IKBKE: variants seen among roughly 807,000 people sequenced by gnomAD.
IKBKE encodes inhibitor of nuclear factor kappa B kinase subunit epsilon.
Under a neutral mutation model 92.1 loss-of-function variants are expected in IKBKE, and 45 were observed. The observed-to-expected ratio is 0.49, with a 90% CI of 0.38 to 0.63. The LOEUF (loss-of-function observed/expected upper bound fraction) is 0.63. IKBKE is among the 20% of genes least tolerant of loss of function. IKBKE has a pLI of 0.00. For synonymous variants in IKBKE, 374 were observed against 380.3 expected (o/e 0.98, Z 0.19); for missense variants, 700 against 932.8 (o/e 0.75, Z 3.25).
At chr1:206,494,023 C>T (rs781913931) in intron 21 of IKBKE, 32 bp downstream of exon 21, 1 of 1,596,822 alleles carries the variant, frequency 6.3e-7, no homozygotes. Context: ...TAGGTCAGGG[C>T]CGGGTCTTCA....
intron 3 of IKBKE, among the ~76,000 whole-genome samples, chr1:206,473,674 T>G (rs1403732251): frequency 6.6e-6 from 1 of 151,882 alleles, no homozygotes. Flanking sequence ...TATTCAAGAG[T>G]GGTAGCCGGC....
chr1:206,481,308 T>A (rs1553386992), intron 13 of IKBKE, among the ~76,000 whole-genome samples: 1 of 152,152 alleles, frequency 6.6e-6, no homozygotes, highest in African/African-American at 2.4e-5. Context: ...CCCATATGCC[T>A]GAAGGCCCCC....
intron 2 of IKBKE, among the ~76,000 whole-genome samples, chr1:206,472,059 G>A (rs1177693598): frequency 2.0e-5 from 3 of 152,142 alleles, no homozygotes; most frequent in Non-Finnish European, 4.4e-5. Context: ...AGACCAGCCT[G>A]GGCAACATGG....
At chr1:206,494,576 C>T (rs1012297777) in intron 21 of IKBKE, among the ~76,000 whole-genome samples, 4 of 148,484 alleles carry the variant, frequency 2.7e-5, no homozygotes, top group Admixed American at 6.7e-5. Context: ...ATTTTGCATA[C>T]CAGTAAAAGT....
At chr1:206,492,553 C>T (rs782192059) in intron 18 of IKBKE, 8 of 471,510 alleles carry the variant, frequency 1.7e-5, no homozygotes, top group South Asian at 4.6e-5. Flanking sequence ...TAATGTGTGG[C>T]GAGGGCTGAC....
In IKBKE at chr1:206,474,450, G is replaced by T; in HGVS notation, c.207G>T (p.Lys69Asn). ...AGCTGAACCACCAGAACATTGTCAAGCTCTTTGCGGTGGAGGAGACGGTAG... is the reference window on the plus strand; with the variant it reads ...AGCTGAACCACCAGAACATTGTCAATCTCTTTGCGGTGGAGGAGACGGTAG... ...LRKLNHQNIV[K>N]LFAVEETGGS... Residue 69 changes from lysine to asparagine, a missense_variant, in exon 4 of 22, where the codon AAG (lysine) becomes AAT (asparagine). Transcript: ENST00000581977. 1 of 1,613,960 alleles carries T rather than the reference G, an allele frequency of 6.2e-7. No homozygotes were observed. Among genetic ancestry groups the T allele is most frequent in the Non-Finnish European group, 8.5e-7 (1 of 1,179,906 alleles).
intron 10 of IKBKE, among the ~76,000 whole-genome samples, 154 bp downstream of exon 10, chr1:206,479,287 G>A (rs188778030): frequency 3.0e-4 from 45 of 152,318 alleles, no homozygotes; most frequent in African/African-American, 8.7e-4. Context: ...TTCTGCAGAC[G>A]CCTCTGAGAT....
intron 4 of IKBKE, 32 bp downstream of exon 4, chr1:206,474,503 T>A: frequency 6.3e-7 from 1 of 1,593,190 alleles, no homozygotes; most frequent in Non-Finnish European, 8.6e-7. Context: ...AGAATGGTCT[T>A]GTCCTTGACC....
In IKBKE at chr1:206,478,712, G is replaced by A. The variant is rs782136793; in HGVS notation, c.993-231G>A. On this transcript the variant is annotated intron_variant, in intron 9 of 21. Coordinates refer to ENST00000581977, the MANE Select transcript of IKBKE (RefSeq NM_014002.4). The surrounding 1 kb of genome is among the most constrained non-coding windows in gnomAD (Gnocchi z 4.8). ...AGGAAGAGGTGCAGAGGCAAAGGCT[G>A]GGTATTAGGACTCCTGGGACCTGTT... Among the ~76,000 whole-genome samples the A allele has an allele frequency of 6.6e-6, 1 of 152,114 alleles. No individual in the cohort carries two copies. Among genetic ancestry groups the A allele is most frequent in the Non-Finnish European group, 1.5e-5 (1 of 68,012 alleles).
At chr1:206,477,496 G>A (rs1336530666) in intron 7 of IKBKE, among the ~76,000 whole-genome samples, 1 of 65,998 alleles carries the variant, frequency 1.5e-5, no homozygotes, top group Non-Finnish European at 2.7e-5. Context: ...TGGCCAGGCT[G>A]AGGGAAGTGT....
At chr1:206,474,211 CTG>C in intron 3 of IKBKE, 118 bp from the exon 4 acceptor site, 2 of 940,372 alleles carry the variant, frequency 2.1e-6, no homozygotes, top group Non-Finnish European at 1.6e-6. Flanking sequence ...AGGCTAATCT[CTG>C]GGGTTGGGCT....
rs1666085442 is a variant in IKBKE at position 206,493,924 on chromosome 1, C to A, written c.2050C>A (p.Gln684Lys). The A allele has an allele frequency of 6.2e-7, 1 of 1,613,918 alleles. No individual in the cohort carries two copies. The highest frequency in any genetic ancestry group is 1.3e-5 in the African/African-American group (1 of 74,956). The change falls in exon 21 of 22, where the codon CAA becomes AAA. Residue 684 changes from glutamine to lysine, a missense_variant. By Grantham distance (53) the Gln-to-Lys change is moderately conservative (BLOSUM62 1). Coordinates refer to ENST00000581977, the MANE Select transcript of IKBKE (RefSeq NM_014002.4). ...PTRKDLLLHM[Q>K]ELCEGMKLLA... ...TCCTGCCTCTGCCTTGGGCAGCATG[C>A]AAGAGCTCTGCGAGGGGATGAAGCT...
chr1:206,493,292 C>A lies in IKBKE; in HGVS notation c.1959C>A (p.Leu653=), dbSNP rs142331757. The A allele has an allele frequency of 5.6e-6, 9 of 1,614,106 alleles. No individual in the cohort carries two copies. Among genetic ancestry groups the A allele is most frequent in the Middle Eastern group, 1.7e-4 (1 of 6,060 alleles). ...TCCTGGAAGAGCTATCTCACCAGCT[C>A]CTTCAGGACCGAGCAAAGGGGGCTC... ...SKLLEELSHQ[L]LQDRAKGAQA... Residue 653 remains leucine (L), a synonymous_variant, in exon 20 of 22, where the codon CTC becomes CTA. Transcript: ENST00000581977.
At chr1:206,472,481 C>T (rs977232921) in intron 2 of IKBKE, among the ~76,000 whole-genome samples, 5 of 152,034 alleles carry the variant, frequency 3.3e-5, no homozygotes, top group Non-Finnish European at 5.9e-5. Flanking sequence ...GTTTCAGATT[C>T]TCCCAATGGC....
rs2103456347 is a variant in IKBKE at position 206,476,846 on chromosome 1, G to A, written c.701+8G>A. ...GCGGAACAAGGAGATCATGTACGGT[G>A]GGCCACAGGGCAGGGAATGGGGCGG... On this transcript the variant is annotated splice_region_variant and intron_variant, in intron 7 of 21. Coordinates refer to ENST00000581977, the MANE Select transcript of IKBKE (RefSeq NM_014002.4). The surrounding 1 kb of genome is among the most constrained non-coding windows in gnomAD (Gnocchi z 5.1). 2 of 1,614,116 alleles carry A rather than the reference G, an allele frequency of 1.2e-6. No individual in the cohort carries two copies. Among genetic ancestry groups the A allele is most frequent in the South Asian group, 1.1e-5 (1 of 91,084 alleles).
chr1:206,482,071 G>A (rs1389370112), intron 13 of IKBKE, among the ~76,000 whole-genome samples: 3 of 152,058 alleles, frequency 2.0e-5, no homozygotes, highest in African/African-American at 4.8e-5. Context: ...GAGCCACCGC[G>A]CCCGGCCTAG....
At position 206,487,449 on chromosome 1, in the gene IKBKE, T is replaced by C. The variant is rs782649586; in HGVS notation, c.1617-465T>C. On this transcript the variant is annotated intron_variant, in intron 15 of 21. Coordinates refer to ENST00000581977, the MANE Select transcript of IKBKE (RefSeq NM_014002.4). This position sits in a 1 kb window ranked among gnomAD's most constrained non-coding sequence, Gnocchi z 5.3. ...TTAAGTTTCTGCTGTGTGCCACACATTGGGTAAACCAAGAAGCTATATTCT... is the reference window on the plus strand; with the variant it reads ...TTAAGTTTCTGCTGTGTGCCACACACTGGGTAAACCAAGAAGCTATATTCT... 4.6e-5 allele frequency among the ~76,000 whole-genome samples: 7 copies of C among 152,234 alleles called. No homozygotes were observed. The highest frequency in any genetic ancestry group is 1.0e-4 in the Non-Finnish European group (7 of 68,042).
rs41299023 is a variant in IKBKE at position 206,486,202 on chromosome 1, G to A, written c.1616+896G>A. ...TTGATTAGGAGTTGATGCCCTGCTC[G>A]GGCCATTCCACAATACACTGTGTGG... On this transcript the variant is annotated intron_variant, in intron 15 of 21. Transcript: ENST00000581977. 5.7e-3 allele frequency among the ~76,000 whole-genome samples: 868 copies of A among 152,358 alleles called. 6 individuals carry two copies. The highest frequency in any genetic ancestry group is 0.019 in the African/African-American group (776 of 41,582).
Position 206,487,718 on chromosome 1 carries a change from C to T in IKBKE, c.1617-196C>T, listed in dbSNP as rs555381531. ...AGAGAGGAAGAATAAGCCATGAGAACGAGAGACGGCTGGCTGACTGTACGG... is the reference window on the plus strand; with the variant it reads ...AGAGAGGAAGAATAAGCCATGAGAATGAGAGACGGCTGGCTGACTGTACGG... On this transcript the variant is annotated intron_variant, in intron 15 of 21. Coordinates refer to ENST00000581977, the MANE Select transcript of IKBKE (RefSeq NM_014002.4). This position sits in a 1 kb window ranked among gnomAD's most constrained non-coding sequence, Gnocchi z 5.3. 1.2e-4 allele frequency among the ~76,000 whole-genome samples: 18 copies of T among 152,250 alleles called. No individual in the cohort carries two copies. In the South Asian group the frequency reaches 2.3e-3, roughly 19 times the overall value.
Sources: allele counts gnomAD v4.1 joint callset (sites outside exome capture counted in the v4.1 genomes callset), GRCh38; gene constraint gnomAD v4.1.1; non-coding constraint Gnocchi (gnomAD v3.1); transcripts MANE v1.5; gene names NCBI Gene and HGNC (gene_info 2026-07-23, HGNC 2026-07-21).